PPP4R3B: variants seen among roughly 807,000 people sequenced by gnomAD.
PPP4R3B encodes serine/threonine-protein phosphatase 4 regulatory subunit 3B.
Under a neutral mutation model 95.4 loss-of-function variants are expected in PPP4R3B, and 52 were observed. That is an observed-to-expected ratio of 0.54 (90% CI 0.44 to 0.69). PPP4R3B has a LOEUF of 0.69. Ranked by LOEUF, PPP4R3B falls within the 30% of genes least tolerant of loss-of-function variation. The pLI is 0.00. For missense variants in PPP4R3B, 1,003 were observed against 1,005.9 expected, an observed-to-expected ratio of 1.00 and a Z score of 0.04; for synonymous variants, 407 against 343.9, an observed-to-expected ratio of 1.18 and a Z score of -2.03.
chr2:55,584,435 G>A (rs112070485), intron 7 of PPP4R3B, among the ~76,000 whole-genome samples: 19 of 151,924 alleles, frequency 1.3e-4, no homozygotes, highest in African/African-American at 4.6e-4. Context: ...GAGATTTTGG[G>A]GCACCCATCA....
At chr2:55,595,634 T>C (rs377050838) in intron 4 of PPP4R3B, among the ~76,000 whole-genome samples, 1 of 151,902 alleles carries the variant, frequency 6.6e-6, no homozygotes, top group Non-Finnish European at 1.5e-5. Context: ...CCCTTTTACA[T>C]TTTTGCAAAT....
chr2:55,555,726 A>G (rs369228555), intron 16 of PPP4R3B, among the ~76,000 whole-genome samples: 37 of 152,346 alleles, frequency 2.4e-4, no homozygotes, highest in African/African-American at 8.4e-4. Flanking sequence ...AATGCCCATC[A>G]CATTGATAGG....
rs374047758 is a variant in PPP4R3B, at chr2:55,584,202, G to A, written c.1233+849C>T. On this transcript the variant is annotated intron_variant, in intron 7 of 16. Coordinates refer to ENST00000616407, the MANE Select transcript of PPP4R3B (RefSeq NM_001122964.3). ...TTATAATTATCTCCTACTTAAAACT[G>A]AGGCATTTTTAATAATAAAAAAAGA... is the stretch of plus-strand genomic sequence containing the variant. Among the ~76,000 whole-genome samples, 185 of 152,144 alleles carry A rather than the reference G, an allele frequency of 1.2e-3. 1 individual carries two copies. The highest frequency in any genetic ancestry group is 0.01 in the Middle Eastern group (3 of 294).
At chr2:55,608,206 T>C (rs1036330783) in intron 2 of PPP4R3B, among the ~76,000 whole-genome samples, 4 of 152,224 alleles carry the variant, frequency 2.6e-5, no homozygotes, top group Non-Finnish European at 5.9e-5. Flanking sequence ...GGTTTCACCA[T>C]GTTGGCCAGG....
chr2:55,578,123 AGAAT>A, intron 10 of PPP4R3B, 120 bp downstream of exon 10: 1 of 995,628 alleles, frequency 1.0e-6, no homozygotes, highest in East Asian at 3.4e-5. Context: ...AAAAATATGC[AGAAT>A]AATATGTATG....
chr2:55,584,494 C>A (rs1028910302), intron 7 of PPP4R3B, among the ~76,000 whole-genome samples: 1 of 152,060 alleles, frequency 6.6e-6, no homozygotes, highest in Non-Finnish European at 1.5e-5. Flanking sequence ...TATCCTTCAC[C>A]CCCTTCCCAC....
rs1276201815 is a variant in PPP4R3B, at chr2:55,573,717, T to G, written c.1667A>C (p.Glu556Ala). The G allele has an allele frequency of 1.3e-6, 2 of 1,544,584 alleles. No homozygotes were observed. Among genetic ancestry groups the G allele is most frequent in the Non-Finnish European group, 1.7e-6 (2 of 1,144,872 alleles). Residue 556 changes from glutamate (E) to alanine (A), a missense_variant, in exon 12 of 17, where the codon GAA becomes GCA. By Grantham distance (107) the Glu-to-Ala change is moderately radical. Around this residue, in one of 3 missense-constraint regions of PPP4R3B, gnomAD observed 695 missense variants for 686.2 expected, o/e 1.01. Transcript: ENST00000616407. ...LILELLTFCV[E>A]HHTYHIKNYI... ...GTTTTTTATGTGATATGTGTGATGT[T>G]CCACACAAAATGTGAGTAACTCTAA...
chr2:55,562,529 A>G (rs1160144270), intron 15 of PPP4R3B, among the ~76,000 whole-genome samples: 1 of 152,188 alleles, frequency 6.6e-6, no homozygotes, highest in African/African-American at 2.4e-5. Flanking sequence ...GCCTTCGACC[A>G]TGACTGTAAG....
chr2:55,564,538 G>A (rs1383858954), intron 14 of PPP4R3B, 41 bp from the exon 15 acceptor site: 1 of 1,517,946 alleles, frequency 6.6e-7, no homozygotes, highest in Non-Finnish European at 8.8e-7. Flanking sequence ...ATGATTTAAA[G>A]TTCATCATCA....
intron 5 of PPP4R3B, 83 bp downstream of exon 5, chr2:55,588,796 T>A: frequency 1.3e-6 from 1 of 789,984 alleles, no homozygotes; most frequent in South Asian, 2.0e-5. Flanking sequence ...CAAAAAATTG[T>A]CTCAAGTTAG....
rs772238814 is a variant in PPP4R3B, at chr2:55,598,917, A to T, written c.420T>A (p.Asn140Lys). Residue 140 changes from asparagine (N) to lysine (K), a missense_variant, in exon 4 of 17, where the codon AAT (asparagine) becomes AAA (lysine). Asn to Lys is a moderately conservative substitution (Grantham distance 94). Coordinates refer to ENST00000616407, the MANE Select transcript of PPP4R3B (RefSeq NM_001122964.3). ...CTAAGTCAGCAATCTCTTCAAGTTTATTGAGTTCACATGTGGGCAGGTCAA... is the reference window on the plus strand; with the variant it reads ...CTAAGTCAGCAATCTCTTCAAGTTTTTTGAGTTCACATGTGGGCAGGTCAA... ...HLIDLPTCELNKLEEIADLVT... is the reference protein window; with the variant it reads ...HLIDLPTCELKKLEEIADLVT... The T allele has an allele frequency of 6.2e-7, 1 of 1,614,184 alleles. No homozygotes were observed. The highest frequency in any genetic ancestry group is 1.1e-5 in the South Asian group (1 of 91,084).
chr2:55,573,527 T>C (rs560741153), intron 12 of PPP4R3B, 92 bp downstream of exon 12: 62 of 1,157,278 alleles, frequency 5.4e-5, no homozygotes, highest in Middle Eastern at 2.1e-4. Flanking sequence ...ATCTCATTCA[T>C]AGAATATACA....
At chr2:55,590,726 G>A (rs1271113265) in intron 4 of PPP4R3B, among the ~76,000 whole-genome samples, 5 of 152,150 alleles carry the variant, frequency 3.3e-5, no homozygotes, top group Non-Finnish European at 7.4e-5. Context: ...AATAGTATCT[G>A]TAGAGTTGAT....
intron 6 of PPP4R3B, among the ~76,000 whole-genome samples, chr2:55,586,099 A>C (rs930613205): frequency 6.6e-6 from 1 of 152,226 alleles, no homozygotes; most frequent in African/African-American, 2.4e-5. Flanking sequence ...ATTTTTCATA[A>C]AAGTTATATT....
chr2:55,617,038 G>T, intron 1 of PPP4R3B, 106 bp downstream of exon 1: 1 of 1,333,876 alleles, frequency 7.5e-7, no homozygotes, highest in Non-Finnish European at 1.0e-6. Context: ...CAGAACCAAC[G>T]CGCTGTCCCG....
chr2:55,589,434 A>G (rs181461692), intron 4 of PPP4R3B, among the ~76,000 whole-genome samples: 31 of 152,346 alleles, frequency 2.0e-4, no homozygotes, highest in South Asian at 8.3e-4. Flanking sequence ...TTAAAATACA[A>G]TAACTCATAA....
chr2:55,613,354 C>CAA (rs552114971), intron 2 of PPP4R3B, among the ~76,000 whole-genome samples: 59 of 134,652 alleles, frequency 4.4e-4, no homozygotes, highest in African/African-American at 1.2e-3. Flanking sequence ...GTTATGTTGC[C>CAA]AAAAAAAAAA....
intron 11 of PPP4R3B, among the ~76,000 whole-genome samples, chr2:55,575,665 T>C (rs1427357395): frequency 6.6e-6 from 1 of 151,594 alleles, no homozygotes. Context: ...CTCTAACTCC[T>C]GGGCTCAACC....
intron 9 of PPP4R3B, 116 bp from the exon 10 acceptor site, chr2:55,578,458 TAAAA>T: frequency 2.0e-6 from 2 of 1,023,666 alleles, no homozygotes. Flanking sequence ...AAAATGAACA[TAAAA>T]AATGCATTAT....
Sources: gnomAD v4.1 joint callset for allele counts (sites outside exome capture counted in the v4.1 genomes callset) on GRCh38, gnomAD v4.1.1 for gene constraint, gnomAD v4.1.1 regional missense constraint, MANE v1.5 for transcripts, NCBI Gene and HGNC (gene_info 2026-07-23, HGNC 2026-07-21) for gene names.